Variants in ADAM32 observed in about 807,000 individuals in gnomAD.
ADAM32 encodes disintegrin and metalloproteinase domain-containing protein 32.
A neutral mutation model predicts 114.9 loss-of-function variants in ADAM32; 89 were observed. That is an observed-to-expected ratio of 0.77 (90% confidence interval 0.65 to 0.92). The LOEUF is 0.92. ADAM32 is among the 40% of genes least tolerant of loss of function. The probability of loss-of-function intolerance (pLI) is 0.00; values close to 1 mark genes in which losing one functional copy is unlikely to be tolerated. For missense variants in ADAM32, 870 were observed against 932.8 expected, an observed-to-expected ratio of 0.93 and a Z score of 0.88; for synonymous variants, 285 against 307.5, an observed-to-expected ratio of 0.93 and a Z score of 0.77.
In ADAM32 at chr8:39,211,253, A is replaced by G; in HGVS notation, c.1162A>G (p.Lys388Glu). 1 of 1,604,250 alleles carries G rather than the reference A, an allele frequency of 6.2e-7. No homozygotes were observed. Among genetic ancestry groups the G allele is most frequent in the East Asian group, 2.3e-5 (1 of 44,344 alleles). ...CLQNKPQMQKKSPKPVCGNGR... is the reference protein window; with the variant it reads ...CLQNKPQMQKESPKPVCGNGR... ...TCAGAATAAGCCACAAATGCAAAAAAAATCTCCGAAACCAGTCTGTGGCAA... is the reference window on the plus strand; with the variant it reads ...TCAGAATAAGCCACAAATGCAAAAAGAATCTCCGAAACCAGTCTGTGGCAA... Residue 388 changes from lysine (K) to glutamate (E), a missense_variant, in exon 12 of 25, where the codon AAA (lysine) becomes GAA (glutamate). Transcript: ENST00000379907.
In ADAM32 at chr8:39,270,948, G is replaced by A. The variant is rs1214490295; in HGVS notation, c.2201+34G>A. On this transcript the variant is annotated intron_variant, in intron 20 of 24. Coordinates refer to ENST00000379907, the MANE Select transcript of ADAM32 (RefSeq NM_145004.7). ...TTTAGAAGGTGTTTTTAAGATACATGTTGAAAATTAAGAGTTAATTGATAA... is the reference window on the plus strand; with the variant it reads ...TTTAGAAGGTGTTTTTAAGATACATATTGAAAATTAAGAGTTAATTGATAA... The A allele has an allele frequency of 3.2e-6, 5 of 1,576,676 alleles. No homozygotes were observed. In the South Asian group the frequency reaches 4.6e-5, roughly 15 times the overall value.
At chr8:39,115,484 G>GT (rs1342135601) in intron 1 of ADAM32, among the ~76,000 whole-genome samples, 1 of 151,738 alleles carries the variant, frequency 6.6e-6, no homozygotes, top group Non-Finnish European at 1.5e-5. Context: ...TGTCACTGTT[G>GT]TTTTGACTTT....
intron 2 of ADAM32, among the ~76,000 whole-genome samples, chr8:39,120,697 G>C (rs1446480508): frequency 1.3e-5 from 2 of 149,958 alleles, no homozygotes; most frequent in Middle Eastern, 3.4e-3. Context: ...AGGAGGCAGA[G>C]GTTGCAGTGA....
chr8:39,130,775 A>G, intron 2 of ADAM32: 1 of 407,054 alleles, frequency 2.5e-6, no homozygotes, highest in South Asian at 1.8e-5. Context: ...CTTCAGTTTT[A>G]TTTTCTGAGA....
intron 6 of ADAM32, 132 bp from the exon 7 acceptor site, chr8:39,160,765 A>T (rs1165845130): frequency 3.8e-6 from 3 of 782,368 alleles, no homozygotes; most frequent in African/African-American, 1.8e-5. Flanking sequence ...TTATTTATTA[A>T]TTTTAACCAA....
rs1300621544 is a variant in ADAM32 at position 39,109,528 on chromosome 8, CAA to C, written c.58+1696_58+1697del. Among the ~76,000 whole-genome samples, 7 of 151,804 alleles carry C rather than the reference CAA, an allele frequency of 4.6e-5. No homozygotes were observed. In the East Asian group the frequency reaches 1.2e-3, roughly 25 times the overall value. On this transcript the variant is annotated intron_variant, in intron 1 of 24. Coordinates refer to ENST00000379907, the MANE Select transcript of ADAM32 (RefSeq NM_145004.7). ...CACCATCGCACTCCAGCCTGGGTGA[CAA>C]GAGCAAAACTCCATCTCAAAAAATA... is the stretch of plus-strand genomic sequence containing the variant.
chr8:39,215,044 C>T (rs1808470255), intron 12 of ADAM32, among the ~76,000 whole-genome samples: 1 of 151,778 alleles, frequency 6.6e-6, no homozygotes, highest in Non-Finnish European at 1.5e-5. Context: ...TTCCACTGGT[C>T]TATATTTCTG....
chr8:39,254,467 C>A lies in ADAM32; in HGVS notation c.1956C>A (p.Asn652Lys). ...GTTCGCCAGGCTATAAGCCTCCAAA[C>A]TGCCAAATACGTTCCAAAGGATTTT... ...CHCSPGYKPP[N>K]CQIRSKGFSI... Residue 652 changes from asparagine to lysine, a missense_variant, in exon 18 of 25, where the codon AAC becomes AAA. By Grantham distance (94) the Asn-to-Lys change is moderately conservative. Transcript: ENST00000379907. 1 of 1,601,752 alleles carries A rather than the reference C, an allele frequency of 6.2e-7. No individual in the cohort carries two copies. Among genetic ancestry groups the A allele is most frequent in the South Asian group, 1.1e-5 (1 of 88,468 alleles).
In ADAM32 at chr8:39,191,761, C is replaced by T. The variant is rs558529453; in HGVS notation, c.1052+4716C>T. On this transcript the variant is annotated intron_variant, in intron 11 of 24. Coordinates refer to ENST00000379907, the MANE Select transcript of ADAM32 (RefSeq NM_145004.7). ...AGAAGCTCTTTAGTTTTAATCAGAT[C>T]TCATTTGTCAGTTTTTGTTTTTGTT... Among the ~76,000 whole-genome samples, 10 of 152,174 alleles carry T rather than the reference C, an allele frequency of 6.6e-5. No homozygotes were observed. In the South Asian group the frequency reaches 1.9e-3, roughly 28 times the overall value.
chr8:39,112,017 A>C (rs1840181105), intron 1 of ADAM32, among the ~76,000 whole-genome samples: 1 of 152,172 alleles, frequency 6.6e-6, no homozygotes, highest in South Asian at 2.1e-4. Flanking sequence ...CTTTAAAAAT[A>C]ATTATAAACT....
intron 6 of ADAM32, chr8:39,157,621 G>A: frequency 2.1e-5 from 12 of 575,548 alleles, no homozygotes; most frequent in Non-Finnish European, 2.3e-5. Flanking sequence ...AGCGGCCATG[G>A]CCAAATTTAA....
intron 10 of ADAM32, among the ~76,000 whole-genome samples, chr8:39,181,484 C>T (rs1344932402): frequency 2.6e-5 from 4 of 152,208 alleles, no homozygotes; most frequent in Admixed American, 1.3e-4. Flanking sequence ...CGAGGCTCCG[C>T]GGCTTCATTC....
intron 10 of ADAM32, among the ~76,000 whole-genome samples, chr8:39,173,415 A>G (rs1200680628): frequency 6.6e-5 from 10 of 150,638 alleles, no homozygotes; most frequent in Admixed American, 6.6e-4. Flanking sequence ...CATTTCTTTA[A>G]TGATCAGTGC....
intron 17 of ADAM32, among the ~76,000 whole-genome samples, chr8:39,247,419 A>G (rs1698818338): frequency 6.6e-6 from 1 of 151,918 alleles, no homozygotes; most frequent in South Asian, 2.1e-4. Context: ...GTGGTATTTC[A>G]TTGCTGTTTT....
At chr8:39,274,171 G>C in intron 20 of ADAM32, 141 bp from the exon 21 acceptor site, 1 of 783,618 alleles carries the variant, frequency 1.3e-6, no homozygotes, top group Non-Finnish European at 2.1e-6. Context: ...TATGTTCAGT[G>C]ACCTTTGGAC....
intron 19 of ADAM32, among the ~76,000 whole-genome samples, chr8:39,263,398 T>C (rs553978000): frequency 1.3e-5 from 2 of 152,336 alleles, no homozygotes; most frequent in Admixed American, 1.3e-4. Flanking sequence ...TCTGCAATAA[T>C]TGACTTCTCC....
chr8:39,141,321 G>T lies in ADAM32; in HGVS notation c.200+4603G>T, dbSNP rs553712001. Among the ~76,000 whole-genome samples the T allele has an allele frequency of 7.2e-4, 110 of 152,196 alleles. 1 individual carries two copies. Among genetic ancestry groups the T allele is most frequent in the African/African-American group, 2.5e-3 (104 of 41,522 alleles). On this transcript the variant is annotated intron_variant, in intron 3 of 24. Transcript: ENST00000379907. ...AGGTCTTTCCTGCTTTCTTTTGTGG[G>T]CATTTAGTGCTATAAATTTCCCTCT...
chr8:39,238,692 T>A (rs1810358598), intron 16 of ADAM32, among the ~76,000 whole-genome samples: 1 of 151,782 alleles, frequency 6.6e-6, no homozygotes, highest in African/African-American at 2.4e-5. Context: ...GTACAGAATA[T>A]GGACAAAAAA....
rs1811707074 is a variant in ADAM32 at position 39,257,222 on chromosome 8, A to G, written c.2041A>G (p.Asn681Asp). 1 of 1,609,452 alleles carries G rather than the reference A, an allele frequency of 6.2e-7. No homozygotes were observed. ...GGAAAGAGCATCTGGGAAGACTGAA[A>G]ACACCTGGCTTCTAGGTTTCCTCAT... ...IMERASGKTE[N>D]TWLLGFLIAL... Residue 681 changes from asparagine to aspartate, a missense_variant, in exon 19 of 25, where the codon AAC becomes GAC. Asn to Asp is a conservative substitution (Grantham distance 23). Coordinates refer to ENST00000379907, the MANE Select transcript of ADAM32 (RefSeq NM_145004.7).
Sources: gnomAD v4.1 joint callset for allele counts (sites outside exome capture counted in the v4.1 genomes callset) on GRCh38, gnomAD v4.1.1 for gene constraint, MANE v1.5 for transcripts, NCBI Gene and HGNC (gene_info 2026-07-23, HGNC 2026-07-21) for gene names.